Variants in PTCD3 observed in about 807,000 individuals in gnomAD.
PTCD3 encodes pentatricopeptide repeat domain 3.
A neutral mutation model predicts 101.9 loss-of-function variants in PTCD3; 89 were observed. That is an observed-to-expected ratio of 0.87 (90% CI 0.74 to 1.04). The LOEUF (loss-of-function observed/expected upper bound fraction) is 1.04. Among genes scored for constraint, PTCD3 ranks in the 50% least tolerant of loss-of-function variants. The pLI, the probability that PTCD3 is intolerant of heterozygous loss-of-function variation, is 0.00. For missense variants in PTCD3, 870 were observed against 828.2 expected (o/e 1.05, Z -0.62); for synonymous variants, 296 against 278.5 (o/e 1.06, Z -0.63).
chr2:86,125,987 T>C (rs932586429), intron 12 of PTCD3, 107 bp downstream of exon 12: 8 of 724,236 alleles, frequency 1.1e-5, no homozygotes, highest in African/African-American at 9.0e-5. Context: ...ACCAGCACTT[T>C]GGGAGGCCGA....
At chr2:86,106,453 A>T (rs1015071098) in intron 1 of PTCD3, 102 bp downstream of exon 1, 3 of 1,242,672 alleles carry the variant, frequency 2.4e-6, no homozygotes, top group South Asian at 1.4e-5. Flanking sequence ...TGGTTTGCTC[A>T]TGCGCGCCCT....
Position 86,112,681 on chromosome 2 carries a change from CAA to C in PTCD3, c.240+1545_240+1546del, listed in dbSNP as rs397953846. 7.9e-3 allele frequency among the ~76,000 whole-genome samples: 646 copies of C among 81,262 alleles called. 1 individual carries two copies. The highest frequency in any genetic ancestry group is 0.013 in the African/African-American group (274 of 21,448). The allele number at this position is 81,262 out of a possible 152,430, so 53.3% of individuals were successfully genotyped here. A position where few individuals can be genotyped will look rare whatever the true frequency, so the allele number is the denominator to read the frequency against. On this transcript the variant is annotated intron_variant, in intron 4 of 23. Transcript: ENST00000254630. ...TGGGTGAGTTAGTGAGACTCTGTCT[CAA>C]AAAAAAAAAAAAAAAAAAAAATTTA...
Position 86,137,133 on chromosome 2 carries a change from G to T in PTCD3, c.1972G>T (p.Glu658Ter). 1 of 1,583,086 alleles carries T rather than the reference G, an allele frequency of 6.3e-7. No individual in the cohort carries two copies. Among genetic ancestry groups the T allele is most frequent in the Non-Finnish European group, 8.6e-7 (1 of 1,165,722 alleles). Residue 658 changes from glutamate to a stop codon, truncating the protein, a stop_gained, in exon 23 of 24, where the codon GAA becomes TAA. Transcript: ENST00000254630. LOFTEE classifies it low-confidence loss of function (END_TRUNC). The stretch of plus-strand genomic sequence containing the variant: ...AATGAGTGATTTTGCAATCAACCAG[G>T]AACAAAAGTAAGTGGTCACCATGAA... ...RVMSDFAINQ[E>*]QKEALSNLTA...
rs779196133 is a variant in PTCD3 at position 86,116,559 on chromosome 2, A to G, written c.270A>G (p.Gln90=). 4 of 1,610,768 alleles carry G rather than the reference A, an allele frequency of 2.5e-6. No individual in the cohort carries two copies. In the Admixed American group the frequency reaches 5.0e-5, roughly 20 times the overall value. The change falls in exon 5 of 24, where the codon CAA becomes CAG. Residue 90 remains glutamine, a synonymous_variant. Transcript: ENST00000254630. The stretch of plus-strand genomic sequence containing the variant: ...CCACAGCTGTGCCTTATGTGTTTCA[A>G]GATGATCCTTACCTTATGCCAGCAT... ...RDTTAVPYVF[Q]DDPYLMPASS...
In PTCD3 at chr2:86,140,291, A is replaced by T. The variant is rs2104466376; in HGVS notation, c.*2732A>T. On this transcript the variant is annotated 3_prime_UTR_variant, in exon 24 of 24. Coordinates refer to ENST00000254630, the MANE Select transcript of PTCD3 (RefSeq NM_017952.6). ...ACACTATACCAAGCACTAGGCTTAGAGGAAAAGATGTCAGATTGTACTGTC... is the reference window on the plus strand; with the variant it reads ...ACACTATACCAAGCACTAGGCTTAGTGGAAAAGATGTCAGATTGTACTGTC... 1.3e-5 allele frequency: 2 copies of T among 151,024 alleles called. No homozygotes were observed. The highest frequency in any genetic ancestry group is 7.0e-3 in the Middle Eastern group (2 of 286). 9.4% of individuals were successfully genotyped at this position (151,024 alleles called of 1,614,324 possible).
chr2:86,136,896 C>A, intron 22 of PTCD3, 86 bp from the exon 23 acceptor site: 1 of 1,480,054 alleles, frequency 6.8e-7, no homozygotes, highest in Non-Finnish European at 9.3e-7. Flanking sequence ...GTTGGGAATT[C>A]TGTTACTGAA....
In PTCD3 at chr2:86,124,999, A is replaced by G. The variant is rs770533864; in HGVS notation, c.721A>G (p.Lys241Glu). ...GHQFGVTWRAKNNAERIFSLM... is the reference protein window; with the variant it reads ...GHQFGVTWRAENNAERIFSLM... ...CATTTACTCTCTTGTGTCTAGAGCA[A>G]AAAACAACGCTGAGAGAATCTTTTC... Residue 241 changes from lysine to glutamate, a missense_variant, in exon 10 of 24, where the codon AAA becomes GAA. Coordinates refer to ENST00000254630, the MANE Select transcript of PTCD3 (RefSeq NM_017952.6). 3.7e-6 allele frequency: 6 copies of G among 1,613,848 alleles called. No individual in the cohort carries two copies. The highest frequency in any genetic ancestry group is 5.1e-6 in the Non-Finnish European group (6 of 1,180,022).
chr2:86,117,281 T>C (rs941877082), intron 6 of PTCD3, 122 bp downstream of exon 6: 1 of 526,838 alleles, frequency 1.9e-6, no homozygotes, highest in Admixed American at 3.4e-5. Context: ...ATAAGCCTTT[T>C]AAAGTGTGGA....
chr2:86,116,559 A>T lies in PTCD3; in HGVS notation c.270A>T (p.Gln90His), dbSNP rs779196133. ...RDTTAVPYVF[Q>H]DDPYLMPASS... ...CCACAGCTGTGCCTTATGTGTTTCA[A>T]GATGATCCTTACCTTATGCCAGCAT... Residue 90 changes from glutamine (Q) to histidine (H), a missense_variant, in exon 5 of 24, where the codon CAA becomes CAT. Transcript: ENST00000254630. The T allele has an allele frequency of 1.2e-6, 2 of 1,610,768 alleles. No individual in the cohort carries two copies. The highest frequency in any genetic ancestry group is 2.7e-5 in the African/African-American group (2 of 74,874).
chr2:86,127,953 C>T lies in PTCD3; in HGVS notation c.1109C>T (p.Ala370Val), dbSNP rs1427790128. ...CTGGTAATTTGAGAACCCTCGCTTG[C>T]AACATATCACCATATTATTCGCCTG... ...MKAIGIEPSLATYHHIIRLFD... is the reference protein window; with the variant it reads ...MKAIGIEPSLVTYHHIIRLFD... Residue 370 changes from alanine (A) to valine (V), a missense_variant, in exon 14 of 24, where the codon GCA becomes GTA. Physicochemically the swap from Ala to Val is moderately conservative, Grantham distance 64. Coordinates refer to ENST00000254630, the MANE Select transcript of PTCD3 (RefSeq NM_017952.6). 1 of 1,610,364 alleles carries T rather than the reference C, an allele frequency of 6.2e-7. No individual in the cohort carries two copies. Among genetic ancestry groups the T allele is most frequent in the Non-Finnish European group, 8.5e-7 (1 of 1,176,832 alleles).
At position 86,125,019 on chromosome 2, in the gene PTCD3, C is replaced by CT. The variant is rs773567984; in HGVS notation, c.745dup (p.Ser249PhefsTer8). On this transcript the variant is annotated frameshift_variant, in exon 10 of 24. Coordinates refer to ENST00000254630, the MANE Select transcript of PTCD3 (RefSeq NM_017952.6). LOFTEE classifies it high-confidence loss of function. ...GAGCAAAAAACAACGCTGAGAGAAT[C>CT]TTTTCTCTAATGCCAGAGAAAAATG... is the stretch of plus-strand genomic sequence containing the variant. 6.2e-7 allele frequency: 1 copy of CT among 1,614,038 alleles called. No individual in the cohort carries two copies. The highest frequency in any genetic ancestry group is 8.5e-7 in the Non-Finnish European group (1 of 1,180,024).
intron 3 of PTCD3, among the ~76,000 whole-genome samples, chr2:86,109,249 CA>C (rs1243698671): frequency 6.6e-6 from 1 of 151,994 alleles, no homozygotes; most frequent in Non-Finnish European, 1.5e-5. Flanking sequence ...ACTAAAAATA[CA>C]AAAAAATTAG....
chr2:86,106,336 A>G lies in PTCD3; in HGVS notation c.89A>G (p.Gln30Arg). The part of the protein sequence containing the change: ...LTGRRAGLCE[Q>R]ARSCRFYSGS... ...GGTCGGCGGGCGGGTTTGTGTGAACAGGCACGCAGCTGCAGGTAAGAGACG... is the reference window on the plus strand; with the variant it reads ...GGTCGGCGGGCGGGTTTGTGTGAACGGGCACGCAGCTGCAGGTAAGAGACG... The change falls in exon 1 of 24, where the codon CAG becomes CGG. Residue 30 changes from glutamine (Q) to arginine (R), a missense_variant. Gln to Arg is a conservative substitution (Grantham distance 43, BLOSUM62 1). Coordinates refer to ENST00000254630, the MANE Select transcript of PTCD3 (RefSeq NM_017952.6). 6.2e-7 allele frequency: 1 copy of G among 1,614,008 alleles called. No homozygotes were observed. Among genetic ancestry groups the G allele is most frequent in the Non-Finnish European group, 8.5e-7 (1 of 1,179,950 alleles).
At chr2:86,106,649 A>G (rs1673956814) in intron 1 of PTCD3, among the ~76,000 whole-genome samples, 1 of 152,234 alleles carries the variant, frequency 6.6e-6, no homozygotes, top group South Asian at 2.1e-4. Flanking sequence ...TATTAGCAAC[A>G]CTACCCCAAA....
chr2:86,133,647 C>A (rs561743938), intron 19 of PTCD3, among the ~76,000 whole-genome samples: 10 of 152,308 alleles, frequency 6.6e-5, no homozygotes, highest in African/African-American at 2.4e-4. Flanking sequence ...TCAGTCCCTT[C>A]GTGACATAGG....
At chr2:86,130,249 G>A (rs1371050282) in intron 14 of PTCD3, among the ~76,000 whole-genome samples, 6 of 152,026 alleles carry the variant, frequency 3.9e-5, no homozygotes, top group Non-Finnish European at 5.9e-5. Context: ...GCAGTGAGCC[G>A]AGATTGTGCC....
intron 14 of PTCD3, among the ~76,000 whole-genome samples, chr2:86,129,747 T>C (rs1674462511): frequency 1.3e-5 from 2 of 152,254 alleles, no homozygotes. Flanking sequence ...AAATTAAGAA[T>C]ATTAGCAAAG....
chr2:86,132,169 TC>T (rs950174089), intron 16 of PTCD3, 148 bp from the exon 17 acceptor site: 17 of 537,658 alleles, frequency 3.2e-5, no homozygotes, highest in South Asian at 1.2e-4. Context: ...GGGATTTGTC[TC>T]CCCCCCATTT....
intron 7 of PTCD3, among the ~76,000 whole-genome samples, chr2:86,120,181 G>C (rs1472580058): frequency 6.6e-6 from 1 of 152,176 alleles, no homozygotes; most frequent in Non-Finnish European, 1.5e-5. Context: ...GGCATCTGGT[G>C]TGAGTCTGCA....
Sources: gnomAD v4.1 joint callset for allele counts (sites outside exome capture counted in the v4.1 genomes callset) on GRCh38, gnomAD v4.1.1 for gene constraint, MANE v1.5 for transcripts, NCBI Gene and HGNC (gene_info 2026-07-23, HGNC 2026-07-21) for gene names.